DNAH17: variants seen among roughly 807,000 people sequenced by gnomAD.
DNAH17 encodes axonemal beta dynein heavy chain 17.
DNAH17 carries 376 observed loss-of-function variants against 485.6 expected under a neutral mutation model. The observed-to-expected ratio is 0.77, with a 90% CI of 0.71 to 0.84. The LOEUF is 0.84. Ranked by LOEUF, DNAH17 falls within the 40% of genes least tolerant of loss-of-function variation. DNAH17 has a pLI of 0.00. For missense variants in DNAH17, 6,370 were observed against 5,839.3 expected, an observed-to-expected ratio of 1.09 and a Z score of -2.96; for synonymous variants, 3,031 against 2,405.9, an observed-to-expected ratio of 1.26 and a Z score of -7.60.
At chr17:78,497,593 G>A (rs1178061223) in intron 37 of DNAH17, among the ~76,000 whole-genome samples, 1 of 152,254 alleles carries the variant, frequency 6.6e-6, no homozygotes, top group Non-Finnish European at 1.5e-5. Context: ...GGGCAAGGGA[G>A]AGGGTCCCCA....
At position 78,458,521 on chromosome 17, in the gene DNAH17, G is replaced by A. The variant is rs75315427; in HGVS notation, c.9977+44C>T. ...CAGTTGTGTGGGCTTGTCCCTTTCA[G>A]GGGGTCTGAGAGCAGGAGGGTGGTC... is the stretch of plus-strand genomic sequence containing the variant. On this transcript the variant is annotated intron_variant, in intron 62 of 80. Transcript: ENST00000389840. 750 of 1,538,112 alleles carry A rather than the reference G, an allele frequency of 4.9e-4. 4 individuals are homozygous for A. In the African/African-American group the frequency reaches 9.0e-3, roughly 18 times the overall value.
intron 64 of DNAH17, 95 bp downstream of exon 64, chr17:78,454,375 G>T: frequency 1.0e-6 from 1 of 952,510 alleles, no homozygotes; most frequent in Non-Finnish European, 1.6e-6. Context: ...TACTTGTATT[G>T]AAAGACCCAC....
intron 49 of DNAH17, 129 bp downstream of exon 49, chr17:78,480,555 G>A (rs1158956905): frequency 1.4e-6 from 1 of 708,958 alleles, no homozygotes; most frequent in Non-Finnish European, 2.2e-6. Context: ...ATTCTGCAAA[G>A]TTAAGGAGTT....
chr17:78,431,022 A>G (rs1332121716), intron 75 of DNAH17, among the ~76,000 whole-genome samples: 1 of 146,060 alleles, frequency 6.8e-6, no homozygotes. Context: ...CTGGGCCTAC[A>G]GTCACACCAC....
intron 26 of DNAH17, among the ~76,000 whole-genome samples, chr17:78,511,533 A>C (rs1044863274): frequency 6.6e-6 from 1 of 152,238 alleles, no homozygotes; most frequent in African/African-American, 2.4e-5. Flanking sequence ...CAGTGGCCGA[A>C]TCACAGGTAC....
In DNAH17 at chr17:78,425,599, GAGA is replaced by G. The variant is rs753324294; in HGVS notation, c.12916-31_12916-29del. 3 of 1,573,912 alleles carry G rather than the reference GAGA, an allele frequency of 1.9e-6. No homozygotes were observed. In the African/African-American group the frequency reaches 4.1e-5, roughly 21 times the overall value. On this transcript the variant is annotated intron_variant, in intron 79 of 80. Coordinates refer to ENST00000389840, the MANE Select transcript of DNAH17 (RefSeq NM_173628.4). ...GCAAGGACACACGAGCCGCTAGGAGGAGAGGACATAGAATGACATGGGAACGAC... is the reference window on the plus strand; with the variant it reads ...GCAAGGACACACGAGCCGCTAGGAGGGGACATAGAATGACATGGGAACGAC...
intron 74 of DNAH17, among the ~76,000 whole-genome samples, chr17:78,436,875 AACAAACAC>A (rs1188806570): frequency 5.1e-5 from 5 of 97,412 alleles, no homozygotes; most frequent in Non-Finnish European, 1.2e-4. Context: ...CAAACAAACA[AACAAACAC>A]GTGGCCAGGA....
chr17:78,526,865 C>T lies in DNAH17; in HGVS notation c.3624+15G>A. On this transcript the variant is annotated intron_variant, in intron 23 of 80. Transcript: ENST00000389840. The stretch of plus-strand genomic sequence containing the variant: ...GCTCCCCGGAAATCCCGCCACCCTG[C>T]CCCAGGTATAATACCTCGAATTGCT... 1.3e-6 allele frequency: 2 copies of T among 1,563,052 alleles called. No individual in the cohort carries two copies. The highest frequency in any genetic ancestry group is 4.7e-5 in the East Asian group (2 of 42,146).
Position 78,532,513 on chromosome 17 carries a change from G to A in DNAH17, c.3083C>T (p.Thr1028Ile). ...CTGGAACTGAGCCAGGGTGGGCGGT[G>A]TCTTGGGGATGGTGTCATCTGTCCA... ...DTWTDDTIPK[T>I]PPTLAQFQEQ... is the part of the protein sequence containing the mutation. The change falls in exon 20 of 81, where the codon ACA becomes ATA. Residue 1028 changes from threonine (T) to isoleucine (I), a missense_variant. Coordinates refer to ENST00000389840, the MANE Select transcript of DNAH17 (RefSeq NM_173628.4). 2 of 1,611,204 alleles carry A rather than the reference G, an allele frequency of 1.2e-6. No individual in the cohort carries two copies. The highest frequency in any genetic ancestry group is 1.1e-5 in the South Asian group (1 of 90,452).
intron 26 of DNAH17, chr17:78,510,754 C>CCGT (rs1555679597): frequency 1.7e-5 from 7 of 405,120 alleles, no homozygotes; most frequent in African/African-American, 1.6e-4. Flanking sequence ...AATTGCGGCC[C>CCGT]CCCCGCAAAA....
At chr17:78,562,350 G>A (rs1282777249) in intron 11 of DNAH17, among the ~76,000 whole-genome samples, 2 of 152,156 alleles carry the variant, frequency 1.3e-5, no homozygotes, top group East Asian at 1.9e-4. Flanking sequence ...TTGAGGGGCC[G>A]AGGCGGGAGG....
chr17:78,444,289 C>T (rs544944856), intron 71 of DNAH17, among the ~76,000 whole-genome samples: 1 of 152,222 alleles, frequency 6.6e-6, no homozygotes, highest in South Asian at 2.1e-4. Context: ...TATCATGTAT[C>T]GCAGGGCACC....
At chr17:78,540,022 G>A in intron 17 of DNAH17, 142 bp from the exon 18 acceptor site, 1 of 775,518 alleles carries the variant, frequency 1.3e-6, no homozygotes, top group Non-Finnish European at 1.8e-6. Flanking sequence ...TGCTGGTGCT[G>A]GCCGCCTTCC....
Position 78,444,814 on chromosome 17 carries a change from C to A in DNAH17, c.11335-17G>T, listed in dbSNP as rs753918156. 1 of 1,545,146 alleles carries A rather than the reference C, an allele frequency of 6.5e-7. No homozygotes were observed. On this transcript the variant is annotated splice_polypyrimidine_tract_variant and intron_variant, in intron 70 of 80. Coordinates refer to ENST00000389840, the MANE Select transcript of DNAH17 (RefSeq NM_173628.4). Reference sequence around the variant, plus strand: ...CGAGAGGGCCTAGGGGCAGAGGCAGCGGGCCCTGTGACTCTTCCCACTTAC... The same window carrying A: ...CGAGAGGGCCTAGGGGCAGAGGCAGAGGGCCCTGTGACTCTTCCCACTTAC...
At chr17:78,529,189 C>T (rs747151710) in intron 22 of DNAH17, among the ~76,000 whole-genome samples, 52 of 152,180 alleles carry the variant, frequency 3.4e-4, no homozygotes, top group Non-Finnish European at 6.3e-4. Context: ...ATCTGCCCAC[C>T]TTGGCCTCCC....
intron 69 of DNAH17, 37 bp from the exon 70 acceptor site, chr17:78,445,717 C>T (rs1355982213): frequency 1.3e-6 from 2 of 1,576,884 alleles, no homozygotes; most frequent in Admixed American, 1.8e-5. Flanking sequence ...TTAACGCAGC[C>T]AGTAAAACGT....
chr17:78,479,181 C>A, intron 50 of DNAH17, 65 bp from the exon 51 acceptor site: 1 of 1,525,162 alleles, frequency 6.6e-7, no homozygotes, highest in Non-Finnish European at 9.0e-7. Context: ...GTGCAAGCCT[C>A]AAGTTTCTAA....
intron 54 of DNAH17, among the ~76,000 whole-genome samples, chr17:78,473,668 C>CGCTGAG (rs142944660): frequency 4.0e-5 from 6 of 151,806 alleles, no homozygotes; most frequent in South Asian, 2.1e-4. Flanking sequence ...AAAATAGTAC[C>CGCTGAG]GCTGAGGCTG....
chr17:78,480,701 T>C lies in DNAH17; in HGVS notation c.7735A>G (p.Ile2579Val), dbSNP rs774042990. ...CTGCTTACCTGAAGCCTGGAGTCGA[T>C]GGTGAAGGATCCGGAAGTGGGGTTC... ...CMNPTSGSFT[I>V]DSRLQRHFCV... Residue 2579 changes from isoleucine (I) to valine (V), a missense_variant, in exon 49 of 81, where the codon ATC becomes GTC. By Grantham distance (29) the Ile-to-Val change is conservative. Coordinates refer to ENST00000389840, the MANE Select transcript of DNAH17 (RefSeq NM_173628.4). The C allele has an allele frequency of 8.1e-6, 13 of 1,613,598 alleles. No homozygotes were observed. Among genetic ancestry groups the C allele is most frequent in the Admixed American group, 1.7e-5 (1 of 59,962 alleles).
Sources: allele counts gnomAD v4.1 joint callset (sites outside exome capture counted in the v4.1 genomes callset), GRCh38; gene constraint gnomAD v4.1.1; transcripts MANE v1.5; gene names NCBI Gene and HGNC (gene_info 2026-07-23, HGNC 2026-07-21).